CLEC18B: variants seen among roughly 807,000 people sequenced by gnomAD.
The protein encoded by CLEC18B is C-type lectin domain family 18 member B, also known as mannose receptor-like 2.
In CLEC18B, 5 loss-of-function variants were observed where a neutral mutation model predicts 60.4. The observed-to-expected ratio is 0.08, with a 90% CI of 0.04 to 0.17. The LOEUF (loss-of-function observed/expected upper bound fraction) is 0.17, where lower values mean the gene tolerates loss of function less well. CLEC18B is among the 10% of genes least tolerant of loss of function. CLEC18B has a pLI of 1.00. For missense variants in CLEC18B, 26 were observed against 572.8 expected (o/e 0.05, Z 9.74); for synonymous variants, 16 against 221.2 (o/e 0.07, Z 8.23).
chr16:74,422,168 C>T (rs1370229578), upstream of CLEC18B: 2 of 151,770 alleles, frequency 1.3e-5, no homozygotes, highest in Admixed American at 6.6e-5. Flanking sequence ...CATGATGTGC[C>T]GTGGCCCGGC....
At chr16:74,423,866 T>TA (rs1348849097), upstream of CLEC18B, among the ~76,000 whole-genome samples, 3 of 152,222 alleles carry the variant, frequency 2.0e-5, no homozygotes, top group Admixed American at 2.0e-4. Flanking sequence ...TCCAATGGCG[T>TA]AGAGCTGGGA....
chr16:74,414,842 GAAAC>G (rs1255884880), intron 3 of CLEC18B, among the ~76,000 whole-genome samples: 1 of 144,526 alleles, frequency 6.9e-6, no homozygotes, highest in Non-Finnish European at 1.5e-5. Flanking sequence ...TAAGAAGAGT[GAAAC>G]AAACTCTCCA....
intron 1 of CLEC18B, among the ~76,000 whole-genome samples, 197 bp downstream of exon 1, chr16:74,420,947 TTCC>T (rs1411538330): frequency 1.1e-5 from 1 of 87,986 alleles, no homozygotes; most frequent in Non-Finnish European, 2.6e-5. Flanking sequence ...CTGGTCCTCC[TTCC>T]TCCTCCTTCC....
upstream of CLEC18B, chr16:74,421,568 C>T (rs1463633254): frequency 1.1e-5 from 5 of 453,164 alleles, no homozygotes; most frequent in African/African-American, 6.0e-5. Context: ...GCCCCGCGGC[C>T]CCTGCTAATC....
At chr16:74,413,509 A>T in intron 4 of CLEC18B, 70 bp downstream of exon 4, 1 of 1,611,798 alleles carries the variant, frequency 6.2e-7, no homozygotes, top group East Asian at 2.2e-5. Flanking sequence ...ATGTGTGGGA[A>T]TCTCACCCTC....
chr16:74,416,946 T>C (rs1281255038), intron 3 of CLEC18B, among the ~76,000 whole-genome samples: 2 of 151,982 alleles, frequency 1.3e-5, no homozygotes, highest in Non-Finnish European at 2.9e-5. Flanking sequence ...ACCTAGGTAG[T>C]GGGTAAGAGT....
chr16:74,418,956 G>A (rs1386911875), intron 2 of CLEC18B, among the ~76,000 whole-genome samples: 1 of 152,210 alleles, frequency 6.6e-6, no homozygotes, highest in Non-Finnish European at 1.5e-5. Flanking sequence ...ACCACACCTG[G>A]CTAATTTTTG....
At chr16:74,423,486 T>G (rs2259563), upstream of CLEC18B, among the ~76,000 whole-genome samples, 4 of 149,338 alleles carry the variant, frequency 2.7e-5, no homozygotes, top group South Asian at 2.1e-4. Flanking sequence ...GTCAGGAGCT[T>G]GAGACCAGCC....
rs1473630019 is a variant in CLEC18B, at chr16:74,413,148, C to T, written c.565G>A (p.Glu189Lys). Residue 189 changes from glutamate (E) to lysine (K), a missense_variant, in exon 5 of 12, where the codon GAG becomes AAG. Coordinates refer to ENST00000682950, the MANE Select transcript of CLEC18B (RefSeq NM_001385193.1). ...VCAYSPGGNW[E>K]VNGKTIIPYK... ...GGGATGATTGTCTTCCCGTTGACCT[C>T]CCAGTTGCCTCTGTGAGGACGAGCA... 6.2e-7 allele frequency: 1 copy of T among 1,612,004 alleles called. No individual in the cohort carries two copies. Among genetic ancestry groups the T allele is most frequent in the African/African-American group, 1.3e-5 (1 of 74,886 alleles).
chr16:74,418,726 TA>T (rs1159563377), intron 2 of CLEC18B, among the ~76,000 whole-genome samples: 1 of 152,238 alleles, frequency 6.6e-6, no homozygotes, highest in Non-Finnish European at 1.5e-5. Context: ...CTCTCTGCCC[TA>T]GTCTCCTGCC....
upstream of CLEC18B, chr16:74,421,510 C>T (rs2013688134): frequency 2.0e-6 from 1 of 490,634 alleles, no homozygotes; most frequent in Admixed American, 3.6e-5. Flanking sequence ...CTGCTCCGGC[C>T]TCGGCCTGGC....
chr16:74,419,268 C>G (rs1315617221), intron 2 of CLEC18B, among the ~76,000 whole-genome samples: 1 of 152,232 alleles, frequency 6.6e-6, no homozygotes, highest in Non-Finnish European at 1.5e-5. Flanking sequence ...CTCGGGGCTG[C>G]ACCCCAAGCC....
upstream of CLEC18B, among the ~76,000 whole-genome samples, chr16:74,423,695 G>T (rs2013754465): frequency 9.6e-6 from 1 of 103,744 alleles, no homozygotes; most frequent in Admixed American, 1.2e-4. Flanking sequence ...TCCCACCCCC[G>T]ACCCCTCAAA....
At chr16:74,423,543 G>A (rs1258144642), upstream of CLEC18B, among the ~76,000 whole-genome samples, 1 of 152,226 alleles carries the variant, frequency 6.6e-6, no homozygotes, top group African/African-American at 2.4e-5. Flanking sequence ...ACAAAAATTA[G>A]CTGGGCAGGG....
upstream of CLEC18B, among the ~76,000 whole-genome samples, chr16:74,423,607 T>C (rs2013752678): frequency 6.6e-6 from 1 of 152,012 alleles, no homozygotes; most frequent in South Asian, 2.1e-4. Flanking sequence ...GAGAATTGCT[T>C]GAATCTGGGA....
chr16:74,409,189 T>TGC (rs2013003585), intron 11 of CLEC18B, 146 bp from the exon 12 acceptor site: 1 of 670,636 alleles, frequency 1.5e-6, no homozygotes, highest in Non-Finnish European at 2.5e-6. Flanking sequence ...TGGGAGCTGG[T>TGC]GCCATGCTAG....
intron 2 of CLEC18B, among the ~76,000 whole-genome samples, chr16:74,420,000 T>G (rs1445202136): frequency 6.6e-6 from 1 of 152,264 alleles, no homozygotes; most frequent in Non-Finnish European, 1.5e-5. Flanking sequence ...GCTGAAAATG[T>G]GGAAAATGTG....
At chr16:74,418,982 C>T (rs1296816669) in intron 2 of CLEC18B, among the ~76,000 whole-genome samples, 1 of 152,220 alleles carries the variant, frequency 6.6e-6, no homozygotes, top group Non-Finnish European at 1.5e-5. Context: ...TTAGTAGAGA[C>T]GGGGTTTCAC....
rs571901046 is a variant in CLEC18B at position 74,420,013 on chromosome 16, C to T, written c.216+488G>A. 9.8e-5 allele frequency among the ~76,000 whole-genome samples: 15 copies of T among 152,398 alleles called. No individual in the cohort carries two copies. The South Asian group carries it at 2.5e-3, about 25-fold the overall frequency. The stretch of plus-strand genomic sequence containing the variant: ...CTGCTGAAAATGTGGAAAATGTGGA[C>T]GAGTGAGTGAGCAGAGAACATGGGC... On this transcript the variant is annotated intron_variant, in intron 2 of 11. Transcript: ENST00000682950.
Sources: allele counts gnomAD v4.1 joint callset (sites outside exome capture counted in the v4.1 genomes callset), GRCh38; gene constraint gnomAD v4.1.1; transcripts MANE v1.5; gene names NCBI Gene and HGNC (gene_info 2026-07-23, HGNC 2026-07-21).